Variants in CAPZA2 observed in about 807,000 individuals in gnomAD.
CAPZA2 encodes F-actin-capping protein subunit alpha-2.
Under a neutral mutation model 44.0 loss-of-function variants are expected in CAPZA2, and 13 were observed. That is an observed-to-expected ratio of 0.30 (90% CI 0.19 to 0.47). The LOEUF is 0.47. Among genes scored for constraint, CAPZA2 ranks in the 20% least tolerant of loss-of-function variants. The pLI, the probability that CAPZA2 is intolerant of heterozygous loss-of-function variation, is 1.00. For synonymous variants in CAPZA2, 94 were observed against 108.2 expected (o/e 0.87, Z 0.81); for missense variants, 244 against 338.6 (o/e 0.72, Z 2.19).
At chr7:116,909,502 G>T (rs1791558407) in intron 6 of CAPZA2, among the ~76,000 whole-genome samples, 1 of 151,676 alleles carries the variant, frequency 6.6e-6, no homozygotes, top group South Asian at 2.1e-4. Context: ...ATATGTATTT[G>T]TATACCAAAA....
intron 4 of CAPZA2, among the ~76,000 whole-genome samples, chr7:116,901,675 A>G (rs1241821685): frequency 6.6e-6 from 1 of 152,168 alleles, no homozygotes; most frequent in East Asian, 1.9e-4. Context: ...GAAAATAGTG[A>G]TACTCTTCTT....
At chr7:116,874,817 G>T (rs926819407) in intron 1 of CAPZA2, 8 of 152,376 alleles carry the variant, frequency 5.3e-5, no homozygotes, top group African/African-American at 1.9e-4. Context: ...GGCTGGGCAC[G>T]GTGGCTCATG....
intron 7 of CAPZA2, among the ~76,000 whole-genome samples, chr7:116,910,734 G>A (rs555473825): frequency 1.3e-5 from 2 of 152,006 alleles, no homozygotes; most frequent in African/African-American, 2.4e-5. Context: ...GGCTGGGCGC[G>A]GTGGCTCACG....
chr7:116,911,901 G>A (rs531513460), intron 7 of CAPZA2, among the ~76,000 whole-genome samples, 168 bp from the exon 8 acceptor site: 1 of 152,314 alleles, frequency 6.6e-6, no homozygotes, highest in East Asian at 1.9e-4. Context: ...CTCCTCACTA[G>A]GCTGAGGGCA....
chr7:116,879,081 G>A lies in CAPZA2; in HGVS notation c.40-9046G>A, dbSNP rs554432095. On this transcript the variant is annotated intron_variant, in intron 1 of 9. Transcript: ENST00000361183. ...GCAGAGGTTGCAGTGAGCGGAGATCGTGCCACTGCACTCCAGCCTGGCGAC... is the reference window on the plus strand; with the variant it reads ...GCAGAGGTTGCAGTGAGCGGAGATCATGCCACTGCACTCCAGCCTGGCGAC... 1.1e-3 allele frequency among the ~76,000 whole-genome samples: 161 copies of A among 140,188 alleles called. 2 individuals carry two copies. Among genetic ancestry groups the A allele is most frequent in the Admixed American group, 4.7e-3 (61 of 13,106 alleles). 92.0% of individuals were successfully genotyped at this position (140,188 alleles called of 152,430 possible). A position where few individuals can be genotyped will look rare whatever the true frequency, so the allele number is the denominator to read the frequency against.
intron 1 of CAPZA2, among the ~76,000 whole-genome samples, chr7:116,883,715 T>G (rs1297339657): frequency 6.6e-6 from 1 of 152,158 alleles, no homozygotes; most frequent in Non-Finnish European, 1.5e-5. Context: ...AGGATAAAAA[T>G]GCAGTACAGA....
chr7:116,900,631 G>A (rs1717390587), intron 4 of CAPZA2, among the ~76,000 whole-genome samples: 1 of 151,872 alleles, frequency 6.6e-6, no homozygotes, highest in African/African-American at 2.4e-5. Flanking sequence ...GAAGAAAATA[G>A]TGACGGTCTT....
rs2116000880 is a variant in CAPZA2 at position 116,921,962 on chromosome 7, A to G, written c.*4095A>G. 6.6e-6 allele frequency: 1 copy of G among 152,320 alleles called. No homozygotes were observed. Among genetic ancestry groups the G allele is most frequent in the East Asian group, 1.9e-4 (1 of 5,186 alleles). The allele number at this position is 152,320 out of a possible 1,614,324, so 9.4% of individuals were successfully genotyped here. On this transcript the variant is annotated 3_prime_UTR_variant, in exon 10 of 10. Coordinates refer to ENST00000361183, the MANE Select transcript of CAPZA2 (RefSeq NM_006136.3). ...GATTACATTTTAATAAGTTATATAA[A>G]TATGCAGATATTCATGCGGCTTTTC... is the stretch of plus-strand genomic sequence containing the variant.
chr7:116,877,186 C>T (rs932578443), intron 1 of CAPZA2, among the ~76,000 whole-genome samples: 1 of 152,152 alleles, frequency 6.6e-6, no homozygotes, highest in Non-Finnish European at 1.5e-5. Flanking sequence ...CTTTAAACCG[C>T]AAGTCTCAAT....
At chr7:116,887,809 C>T (rs10264289) in intron 1 of CAPZA2, among the ~76,000 whole-genome samples, 2,981 of 152,122 alleles carry the variant, frequency 0.02, 97 homozygotes, top group African/African-American at 0.068. Flanking sequence ...CTCTAGCCTG[C>T]GTAACAGAGT....
At chr7:116,867,974 T>C (rs1410684392) in intron 1 of CAPZA2, among the ~76,000 whole-genome samples, 2 of 152,244 alleles carry the variant, frequency 1.3e-5, no homozygotes, top group Non-Finnish European at 2.9e-5. Flanking sequence ...AAGTACCTTC[T>C]TCATTAAGTT....
chr7:116,864,248 C>G (rs919322530), intron 1 of CAPZA2, among the ~76,000 whole-genome samples: 2 of 152,132 alleles, frequency 1.3e-5, no homozygotes, highest in Admixed American at 1.3e-4. Context: ...GGCTAGAAAT[C>G]TAGCTGAAGA....
At chr7:116,864,283 T>C (rs1584998770) in intron 1 of CAPZA2, among the ~76,000 whole-genome samples, 1 of 152,186 alleles carries the variant, frequency 6.6e-6, no homozygotes, top group East Asian at 1.9e-4. Context: ...TGGGAGTTAA[T>C]ATAGACCTGC....
rs374140633 is a variant in CAPZA2, at chr7:116,892,844, T to C, written c.104-150T>C. On this transcript the variant is annotated intron_variant, in intron 2 of 9. Transcript: ENST00000361183. ...CTTTTTTTTTTTTTTAATACTATGTTGTGTGTTTGGTTATTTTGGTCATGA... is the reference window on the plus strand; with the variant it reads ...CTTTTTTTTTTTTTTAATACTATGTCGTGTGTTTGGTTATTTTGGTCATGA... 703 of 425,976 alleles carry C rather than the reference T, an allele frequency of 1.7e-3. 4 individuals are homozygous for C. The highest frequency in any genetic ancestry group is 0.013 in the African/African-American group (621 of 48,786). The allele number at this position is 425,976 out of a possible 1,614,324, so 26.4% of individuals were successfully genotyped here. A position where few individuals can be genotyped will look rare whatever the true frequency, so the allele number is the denominator to read the frequency against.
chr7:116,885,579 C>T (rs1396419976), intron 1 of CAPZA2, among the ~76,000 whole-genome samples: 1 of 152,146 alleles, frequency 6.6e-6, no homozygotes, highest in Non-Finnish European at 1.5e-5. Flanking sequence ...CAAGTCCGGG[C>T]ATTAGGAACT....
intron 6 of CAPZA2, among the ~76,000 whole-genome samples, chr7:116,907,905 T>C (rs1791538227): frequency 6.6e-6 from 1 of 152,212 alleles, no homozygotes; most frequent in African/African-American, 2.4e-5. Flanking sequence ...TTTTATATGC[T>C]TTGATATGAT....
chr7:116,911,408 C>T (rs891713255), intron 7 of CAPZA2, among the ~76,000 whole-genome samples: 1 of 152,172 alleles, frequency 6.6e-6, no homozygotes, highest in Non-Finnish European at 1.5e-5. Flanking sequence ...GACATATTTG[C>T]ATGACATACA....
intron 1 of CAPZA2, among the ~76,000 whole-genome samples, chr7:116,886,865 A>C (rs1179773258): frequency 6.6e-6 from 1 of 152,334 alleles, no homozygotes; most frequent in Admixed American, 6.5e-5. Flanking sequence ...TGCTTTCACT[A>C]AACTATTATG....
intron 8 of CAPZA2, chr7:116,915,640 G>C (rs1791669877): frequency 6.9e-6 from 1 of 144,870 alleles, no homozygotes. Context: ...TTCCTGATTA[G>C]TGATTTTTTT....
Sources: gnomAD v4.1 joint callset for allele counts (sites outside exome capture counted in the v4.1 genomes callset) on GRCh38, gnomAD v4.1.1 for gene constraint, MANE v1.5 for transcripts, NCBI Gene and HGNC (gene_info 2026-07-23, HGNC 2026-07-21) for gene names.